MSRA: variants seen among roughly 807,000 people sequenced by gnomAD.
MSRA encodes methionine sulfoxide reductase A.
Under a neutral mutation model 31.3 loss-of-function variants are expected in MSRA, and 54 were observed. That is an observed-to-expected ratio of 1.73 (90% CI 1.39 to 2.17). The LOEUF is 2.17. Among genes scored for constraint, MSRA ranks in the 30% most tolerant of loss-of-function variants. The pLI, the probability that MSRA is intolerant of heterozygous loss-of-function variation, is 0.00. For synonymous variants in MSRA, 169 were observed against 116.5 expected, an observed-to-expected ratio of 1.45 and a Z score of -2.90; for missense variants, 507 against 300.9, an observed-to-expected ratio of 1.69 and a Z score of -5.07.
At chr8:10,195,333 C>T (rs559784774) in intron 1 of MSRA, among the ~76,000 whole-genome samples, 7 of 152,294 alleles carry the variant, frequency 4.6e-5, no homozygotes, top group South Asian at 2.1e-4. Flanking sequence ...CTCTGCCTCC[C>T]GGGTTCAGAC....
intron 5 of MSRA, among the ~76,000 whole-genome samples, chr8:10,412,934 T>G (rs1808241727): frequency 6.6e-6 from 1 of 152,252 alleles, no homozygotes; most frequent in South Asian, 2.1e-4. Context: ...TCCCATCATT[T>G]AATATACTTC....
chr8:10,319,800 A>G (rs912472295), intron 4 of MSRA, 83 bp from the exon 5 acceptor site: 11 of 724,420 alleles, frequency 1.5e-5, no homozygotes, highest in Admixed American at 1.1e-4. Context: ...AAAAGTGTCA[A>G]AATGTCTCAG....
At chr8:10,098,675 G>A (rs946418419) in intron 1 of MSRA, among the ~76,000 whole-genome samples, 6 of 152,174 alleles carry the variant, frequency 3.9e-5, no homozygotes, top group Non-Finnish European at 8.8e-5. Flanking sequence ...TAAAAAATCA[G>A]GAGATTAGTT....
chr8:10,067,874 G>GTTTTTTTTTTTTTTTTT lies in MSRA; in HGVS notation c.142+13228_142+13244dup, dbSNP rs71203303. 1.6e-4 allele frequency among the ~76,000 whole-genome samples: 8 copies of GTTTTTTTTTTTTTTTTT among 49,366 alleles called. 1 individual carries two copies. Among genetic ancestry groups the GTTTTTTTTTTTTTTTTT allele is most frequent in the African/African-American group, 4.4e-4 (8 of 17,982 alleles). The allele number at this position is 49,366 out of a possible 152,430, so 32.4% of individuals were successfully genotyped here. A position where few individuals can be genotyped will look rare whatever the true frequency, so the allele number is the denominator to read the frequency against. Reference sequence around the variant, plus strand: ...TTCAGTTGGGTTGTTTTCTTACTGAGTTTTTTTTTTTTTTTTTTTTTTTTT... The same window carrying GTTTTTTTTTTTTTTTTT: ...TTCAGTTGGGTTGTTTTCTTACTGAGTTTTTTTTTTTTTTTTTTTTTTTTTTTTTTTTTTTTTTTTTT... On this transcript the variant is annotated intron_variant, in intron 1 of 5. Transcript: ENST00000317173.
At chr8:10,384,665 C>A (rs868827097) in intron 5 of MSRA, among the ~76,000 whole-genome samples, 1 of 152,170 alleles carries the variant, frequency 6.6e-6, no homozygotes, top group African/African-American at 2.4e-5. Context: ...AGAACTGTTG[C>A]ACTAGCGGAA....
At chr8:10,329,810 T>C (rs1802586353) in intron 5 of MSRA, among the ~76,000 whole-genome samples, 1 of 151,000 alleles carries the variant, frequency 6.6e-6, no homozygotes, top group Non-Finnish European at 1.5e-5. Context: ...GGATTTGATT[T>C]CCTCTCTCGG....
intron 5 of MSRA, among the ~76,000 whole-genome samples, chr8:10,396,127 G>C (rs1043028544): frequency 6.6e-6 from 1 of 152,114 alleles, no homozygotes; most frequent in African/African-American, 2.4e-5. Flanking sequence ...TGCCTGTGTG[G>C]AGTTGTTTAT....
chr8:10,076,692 C>T (rs1375534273), intron 1 of MSRA, among the ~76,000 whole-genome samples: 2 of 152,064 alleles, frequency 1.3e-5, no homozygotes, highest in African/African-American at 2.4e-5. Flanking sequence ...TGGGAGGTTC[C>T]CTTACCCACA....
intron 4 of MSRA, 114 bp downstream of exon 4, chr8:10,301,752 A>G: frequency 1.2e-6 from 1 of 805,646 alleles, no homozygotes; most frequent in South Asian, 1.8e-5. Flanking sequence ...GCTCAAGAAT[A>G]TGATTGCAGA....
At chr8:10,330,321 A>T (rs1447657127) in intron 5 of MSRA, among the ~76,000 whole-genome samples, 1 of 152,060 alleles carries the variant, frequency 6.6e-6, no homozygotes, top group Non-Finnish European at 1.5e-5. Context: ...ATACCAACCC[A>T]AATGAGAGAA....
chr8:10,403,781 C>A lies in MSRA; in HGVS notation c.544-24367C>A, dbSNP rs144777702. On this transcript the variant is annotated intron_variant, in intron 5 of 5. Coordinates refer to ENST00000317173, the MANE Select transcript of MSRA (RefSeq NM_012331.5). ...GCTTCCAGGCTCAGGCTGAGGCAGA[C>A]GGGCGGGACGTGAGTCCTGGCTCTG... Among the ~76,000 whole-genome samples the A allele has an allele frequency of 7.5e-3, 1,140 of 152,294 alleles. 12 individuals carry two copies. The highest frequency in any genetic ancestry group is 0.025 in the African/African-American group (1,019 of 41,566).
intron 5 of MSRA, among the ~76,000 whole-genome samples, chr8:10,371,248 A>G (rs765113544): frequency 1.3e-5 from 2 of 152,148 alleles, no homozygotes; most frequent in African/African-American, 2.4e-5. Flanking sequence ...GTAGTGAGCC[A>G]TCCCGGCCTC....
At chr8:10,209,672 G>A (rs946751749) in intron 2 of MSRA, among the ~76,000 whole-genome samples, 2 of 152,110 alleles carry the variant, frequency 1.3e-5, no homozygotes, top group Non-Finnish European at 2.9e-5. Context: ...CTAAGCCTCC[G>A]CTTTTCGATG....
At chr8:10,290,682 A>G (rs1440799750) in intron 3 of MSRA, among the ~76,000 whole-genome samples, 2 of 151,866 alleles carry the variant, frequency 1.3e-5, no homozygotes, top group Non-Finnish European at 2.9e-5. Flanking sequence ...ATTGTGAACC[A>G]CTCTCCTTGT....
At chr8:10,133,605 T>A (rs1177768757) in intron 1 of MSRA, among the ~76,000 whole-genome samples, 1 of 152,172 alleles carries the variant, frequency 6.6e-6, no homozygotes, top group Non-Finnish European at 1.5e-5. Flanking sequence ...GACCTGAGTT[T>A]TAGTATACCC....
chr8:10,389,048 G>T (rs747663965), intron 5 of MSRA, among the ~76,000 whole-genome samples: 15 of 152,146 alleles, frequency 9.9e-5, no homozygotes, highest in Non-Finnish European at 2.2e-4. Flanking sequence ...GCTTGTGGGA[G>T]TTATTTATAT....
chr8:10,133,905 A>G (rs921447934), intron 1 of MSRA, among the ~76,000 whole-genome samples: 1 of 152,190 alleles, frequency 6.6e-6, no homozygotes, highest in East Asian at 1.9e-4. Context: ...ATCTCGGCTC[A>G]CTGTGACCTC....
chr8:10,059,073 CATA>C (rs1802556729), intron 1 of MSRA: 1 of 152,070 alleles, frequency 6.6e-6, no homozygotes, highest in African/African-American at 2.4e-5. Flanking sequence ...TTCTTAAATA[CATA>C]AGGGAATGCA....
At chr8:10,379,432 C>A (rs1003673280) in intron 5 of MSRA, among the ~76,000 whole-genome samples, 2 of 152,232 alleles carry the variant, frequency 1.3e-5, no homozygotes, top group Non-Finnish European at 2.9e-5. Context: ...TCGCAGGTGG[C>A]GTCAGCAGAG....
Sources: allele counts gnomAD v4.1 joint callset (sites outside exome capture counted in the v4.1 genomes callset), GRCh38; gene constraint gnomAD v4.1.1; transcripts MANE v1.5; gene names NCBI Gene and HGNC (gene_info 2026-07-23, HGNC 2026-07-21).